The following TBC1D9 variants were observed in gnomAD, a reference collection of about 807,000 sequenced individuals.
The protein encoded by TBC1D9 is TBC1 domain family member 9, also known as TBC1 domain family member 9A.
TBC1D9 carries 63 observed loss-of-function variants against 132.0 expected under a neutral mutation model. The observed-to-expected ratio is 0.48, with a 90% CI of 0.39 to 0.59. The LOEUF is 0.59. TBC1D9 is among the 20% of genes least tolerant of loss of function. The pLI is 0.00. For synonymous variants in TBC1D9, 610 were observed against 609.9 expected, an observed-to-expected ratio of 1.00 and a Z score of 0.00; for missense variants, 1,261 against 1,592.7, an observed-to-expected ratio of 0.79 and a Z score of 3.54.
chr4:140,677,333 T>C (rs1268338895), intron 5 of TBC1D9, among the ~76,000 whole-genome samples: 1 of 152,192 alleles, frequency 6.6e-6, no homozygotes, highest in Non-Finnish European at 1.5e-5. Flanking sequence ...AATCCATGTC[T>C]GTAAATGTTA....
intron 1 of TBC1D9, among the ~76,000 whole-genome samples, chr4:140,740,628 C>T (rs1738744384): frequency 1.3e-5 from 2 of 152,206 alleles, no homozygotes; most frequent in Admixed American, 1.3e-4. Context: ...TCCCACATGC[C>T]TTCCCCTGCT....
chr4:140,624,380 A>G lies in TBC1D9; in HGVS notation c.2908T>C (p.Leu970=), dbSNP rs746811977. 3 of 1,613,280 alleles carry G rather than the reference A, an allele frequency of 1.9e-6. No homozygotes were observed. The highest frequency in any genetic ancestry group is 2.5e-6 in the Non-Finnish European group (3 of 1,179,704). ...ITPECTHVVG[L]DSRSKQGADD... ...GCACCCTGTTTGCTTCTGCTATCCA[A>G]TCCAACAACTACCAAGAAATGGTTC... The change falls in exon 19 of 21, where the codon TTG becomes CTG. Residue 970 remains leucine (L), a synonymous_variant. Transcript: ENST00000442267.
At chr4:140,630,106 A>G (rs550776437) in intron 16 of TBC1D9, among the ~76,000 whole-genome samples, 1 of 152,342 alleles carries the variant, frequency 6.6e-6, no homozygotes, top group South Asian at 2.1e-4. Flanking sequence ...ACATGCAGAC[A>G]TCCTAGGTAG....
chr4:140,701,769 G>A (rs1345503297), intron 1 of TBC1D9, among the ~76,000 whole-genome samples, 155 bp from the exon 2 acceptor site: 1 of 152,004 alleles, frequency 6.6e-6, no homozygotes, highest in African/African-American at 2.4e-5. Flanking sequence ...GGATGATGCT[G>A]GCTCTACACA....
chr4:140,669,633 C>T lies in TBC1D9; in HGVS notation c.1437+1G>A, dbSNP rs1231153612. 6 of 1,602,134 alleles carry T rather than the reference C, an allele frequency of 3.7e-6. No individual in the cohort carries two copies. Among genetic ancestry groups the T allele is most frequent in the African/African-American group, 1.3e-5 (1 of 74,728 alleles). On this transcript the variant is annotated splice_donor_variant, in intron 8 of 20. Coordinates refer to ENST00000442267, the MANE Select transcript of TBC1D9 (RefSeq NM_015130.3). LOFTEE classifies it high-confidence loss of function. ...TTCAGGGAAAAGTGAGAGGCACCCACCAATTTCGGGTTGAACTCCTCGGGA... is the reference window on the plus strand; with the variant it reads ...TTCAGGGAAAAGTGAGAGGCACCCATCAATTTCGGGTTGAACTCCTCGGGA...
At chr4:140,631,357 G>C (rs1486325667) in intron 16 of TBC1D9, among the ~76,000 whole-genome samples, 1 of 151,744 alleles carries the variant, frequency 6.6e-6, no homozygotes, top group African/African-American at 2.4e-5. Flanking sequence ...CAAGTAGCTG[G>C]GACTACAGGC....
intron 1 of TBC1D9, among the ~76,000 whole-genome samples, chr4:140,752,442 C>G (rs191284689): frequency 6.6e-6 from 1 of 151,782 alleles, no homozygotes; most frequent in East Asian, 1.9e-4. Context: ...GAAGTGTTTA[C>G]AAAAAAGCAT....
At chr4:140,742,731 A>G (rs932940188) in intron 1 of TBC1D9, among the ~76,000 whole-genome samples, 1 of 152,056 alleles carries the variant, frequency 6.6e-6, no homozygotes, top group Non-Finnish European at 1.5e-5. Flanking sequence ...ACAAACCCCC[A>G]AAGAGAAAAG....
Position 140,657,613 on chromosome 4 carries a change from G to T in TBC1D9, c.2121C>A (p.Phe707Leu), listed in dbSNP as rs1447303367. The change falls in exon 12 of 21, where the codon TTC becomes TTA. Residue 707 changes from phenylalanine (F) to leucine (L), a missense_variant. This residue lies in a region of TBC1D9 where 618 missense variants were observed against 724.4 expected (regional missense o/e 0.85). Coordinates refer to ENST00000442267, the MANE Select transcript of TBC1D9 (RefSeq NM_015130.3). ...CATCCAGCACAGCTAGGGCCAACTG[G>T]AATATCACTTTAATTCCTTCATAGA... Reference protein sequence around the residue: ...CFFYEGIKVIFQLALAVLDAN... With the variant: ...CFFYEGIKVILQLALAVLDAN... The T allele has an allele frequency of 6.2e-7, 1 of 1,613,968 alleles. No individual in the cohort carries two copies. Among genetic ancestry groups the T allele is most frequent in the Non-Finnish European group, 8.5e-7 (1 of 1,179,888 alleles).
At chr4:140,732,217 A>C (rs1036946779) in intron 1 of TBC1D9, among the ~76,000 whole-genome samples, 1 of 152,214 alleles carries the variant, frequency 6.6e-6, no homozygotes, top group Non-Finnish European at 1.5e-5. Context: ...GTTTTAATTT[A>C]TTAAATGGGA....
chr4:140,698,544 T>A (rs921724585), intron 2 of TBC1D9, among the ~76,000 whole-genome samples: 1 of 152,100 alleles, frequency 6.6e-6, no homozygotes, highest in Admixed American at 6.6e-5. Context: ...GATCAGGAGT[T>A]CGAGACCAGC....
chr4:140,622,171 C>A lies in TBC1D9; in HGVS notation c.*24G>T. The A allele has an allele frequency of 6.5e-7, 1 of 1,541,426 alleles. No homozygotes were observed. The highest frequency in any genetic ancestry group is 8.8e-7 in the Non-Finnish European group (1 of 1,137,730). On this transcript the variant is annotated 3_prime_UTR_variant, in exon 21 of 21. Coordinates refer to ENST00000442267, the MANE Select transcript of TBC1D9 (RefSeq NM_015130.3). ...AAAATCCCTCCCCTCCCTCTCCTCC[C>A]ACTCCCCCGGGAAGGCGCCCGTGTC...
intron 15 of TBC1D9, among the ~76,000 whole-genome samples, chr4:140,637,538 C>G (rs1333339975): frequency 6.6e-6 from 1 of 152,134 alleles, no homozygotes; most frequent in Non-Finnish European, 1.5e-5. Context: ...GTTTAGCTCC[C>G]CCCAGAATCC....
chr4:140,702,212 T>C (rs766670123), intron 1 of TBC1D9, among the ~76,000 whole-genome samples: 23 of 152,204 alleles, frequency 1.5e-4, no homozygotes, highest in Non-Finnish European at 2.6e-4. Context: ...GCACAAAGTT[T>C]AGTTCTTTCA....
intron 13 of TBC1D9, chr4:140,642,861 C>A (rs188577417): frequency 0.011 from 6,384 of 576,650 alleles, 55 homozygotes; most frequent in Non-Finnish European, 0.015. Context: ...GGTCTGTTTC[C>A]ACGGCCTGCG....
chr4:140,683,984 T>C (rs755731477), intron 3 of TBC1D9, among the ~76,000 whole-genome samples: 4 of 152,104 alleles, frequency 2.6e-5, no homozygotes, highest in Non-Finnish European at 4.4e-5. Context: ...AAGACAGAAA[T>C]GGTAAAGTCA....
intron 15 of TBC1D9, among the ~76,000 whole-genome samples, chr4:140,636,787 T>G (rs78282365): frequency 2.6e-5 from 4 of 152,114 alleles, no homozygotes; most frequent in African/African-American, 9.7e-5. Context: ...TGAGAGCCAA[T>G]TGAAGTGTTG....
At chr4:140,640,821 C>G (rs1041007989) in intron 13 of TBC1D9, among the ~76,000 whole-genome samples, 1 of 149,058 alleles carries the variant, frequency 6.7e-6, no homozygotes, top group Admixed American at 6.6e-5. Flanking sequence ...CTGGCAGTAT[C>G]TACTGACTGA....
chr4:140,671,674 C>CTGTGTGTGTGTGTG (rs34072180), intron 6 of TBC1D9, among the ~76,000 whole-genome samples: 1,621 of 141,804 alleles, frequency 0.011, 43 homozygotes, highest in African/African-American at 0.043. Flanking sequence ...AACTACCAGA[C>CTGTGTGTGTGTGTG]TGTGTGTGTG....
Sources: allele counts gnomAD v4.1 joint callset (sites outside exome capture counted in the v4.1 genomes callset), GRCh38; gene constraint gnomAD v4.1.1; regional missense constraint gnomAD v4.1.1; transcripts MANE v1.5; gene names NCBI Gene and HGNC (gene_info 2026-07-23, HGNC 2026-07-21).